The following RARRES1 variants were observed in gnomAD, a reference collection of about 807,000 sequenced individuals.
RARRES1 encodes the protein retinoic acid receptor responder protein 1.
RARRES1 carries 34 observed loss-of-function variants against 30.6 expected under a neutral mutation model. The observed-to-expected ratio is 1.11, with a 90% CI of 0.84 to 1.48. The LOEUF (loss-of-function observed/expected upper bound fraction) is 1.48. Ranked by LOEUF, RARRES1 falls within the 40% of genes most tolerant of loss-of-function variation. The pLI, the probability that RARRES1 is intolerant of heterozygous loss-of-function variation, is 0.00. For missense variants in RARRES1, 373 were observed against 386.5 expected, an observed-to-expected ratio of 0.97 and a Z score of 0.29; for synonymous variants, 153 against 155.5, an observed-to-expected ratio of 0.98 and a Z score of 0.12.
At chr3:158,732,066 G>T in intron 1 of RARRES1, 74 bp downstream of exon 1, 2 of 1,237,056 alleles carry the variant, frequency 1.6e-6, no homozygotes, top group Non-Finnish European at 1.0e-6. Flanking sequence ...GCAGGCGCGC[G>T]TACCCAGGTG....
In RARRES1 at chr3:158,704,938, C is replaced by T; in HGVS notation, c.536-11G>A. The T allele has an allele frequency of 6.3e-7, 1 of 1,592,710 alleles. No homozygotes were observed. The highest frequency in any genetic ancestry group is 8.5e-7 in the Non-Finnish European group (1 of 1,174,172). ...TATGTCCATGATTATCTGAGAGAGACAAAAAAAGCACATTTGTATTAATGC... is the reference window on the plus strand; with the variant it reads ...TATGTCCATGATTATCTGAGAGAGATAAAAAAAGCACATTTGTATTAATGC... On this transcript the variant is annotated splice_polypyrimidine_tract_variant and intron_variant, in intron 3 of 5. Coordinates refer to ENST00000237696, the MANE Select transcript of RARRES1 (RefSeq NM_206963.2).
chr3:158,698,514 C>T (rs1726624639), intron 4 of RARRES1, among the ~76,000 whole-genome samples: 1 of 152,218 alleles, frequency 6.6e-6, no homozygotes, highest in South Asian at 2.1e-4. Flanking sequence ...CCAACACCCA[C>T]ATTCTTCATA....
chr3:158,717,653 G>C (rs1402728803), intron 1 of RARRES1, among the ~76,000 whole-genome samples: 1 of 152,198 alleles, frequency 6.6e-6, no homozygotes, highest in African/African-American at 2.4e-5. Flanking sequence ...GAGGGATTTT[G>C]AAAAGATCCC....
At chr3:158,700,398 A>G (rs888080500) in intron 4 of RARRES1, among the ~76,000 whole-genome samples, 1 of 152,126 alleles carries the variant, frequency 6.6e-6, no homozygotes, top group Non-Finnish European at 1.5e-5. Flanking sequence ...CATTTGACAG[A>G]CTATTTTGGT....
intron 1 of RARRES1, among the ~76,000 whole-genome samples, chr3:158,726,010 C>A (rs1160922193): frequency 2.0e-5 from 3 of 152,188 alleles, no homozygotes; most frequent in African/African-American, 7.2e-5. Context: ...TTGCAAATAT[C>A]CCCCTCCCTG....
chr3:158,707,344 G>A (rs1352793537), intron 3 of RARRES1, among the ~76,000 whole-genome samples: 1 of 151,964 alleles, frequency 6.6e-6, no homozygotes, highest in Non-Finnish European at 1.5e-5. Context: ...GACAGAATAA[G>A]GAAAAAGAGG....
chr3:158,728,687 C>G (rs1031894437), intron 1 of RARRES1, among the ~76,000 whole-genome samples: 3 of 151,948 alleles, frequency 2.0e-5, no homozygotes, highest in African/African-American at 7.3e-5. Flanking sequence ...CCATGCCTGG[C>G]TAATTTTTGT....
At chr3:158,722,119 G>A (rs1437705191) in intron 1 of RARRES1, among the ~76,000 whole-genome samples, 4 of 144,976 alleles carry the variant, frequency 2.8e-5, no homozygotes, top group Non-Finnish European at 4.5e-5. Context: ...GTATCCAGAA[G>A]GAACACGAAG....
chr3:158,704,038 A>G (rs1726823294), intron 4 of RARRES1, among the ~76,000 whole-genome samples: 1 of 151,970 alleles, frequency 6.6e-6, no homozygotes, highest in Admixed American at 6.6e-5. Context: ...GTGTCCTTCT[A>G]GTTAATCATA....
At position 158,732,181 on chromosome 3, in the gene RARRES1, C is replaced by T. The variant is rs1286494740; in HGVS notation, c.235G>A (p.Ala79Thr). The T allele has an allele frequency of 7.1e-7, 1 of 1,416,654 alleles. No individual in the cohort carries two copies. Among genetic ancestry groups the T allele is most frequent in the Non-Finnish European group, 9.2e-7 (1 of 1,091,608 alleles). 87.8% of individuals were successfully genotyped at this position (1,416,654 alleles called of 1,614,324 possible). Residue 79 changes from alanine (A) to threonine (T), a missense_variant, in exon 1 of 6, where the codon GCG becomes ACG. Ala to Thr is a moderately conservative substitution (Grantham distance 58, BLOSUM62 0). Coordinates refer to ENST00000237696, the MANE Select transcript of RARRES1 (RefSeq NM_206963.2). The stretch of plus-strand genomic sequence containing the variant: ...TGCACCTCGGCCAGCACTCGTAGCG[C>T]GCTGGGCGAGCCGGACCGGAAGTTG... Reference protein sequence around the residue: ...FFNFRSGSPSALRVLAEVQEG... With the variant: ...FFNFRSGSPSTLRVLAEVQEG...
At chr3:158,730,769 A>T (rs1044691451) in intron 1 of RARRES1, among the ~76,000 whole-genome samples, 8 of 138,280 alleles carry the variant, frequency 5.8e-5, no homozygotes, top group African/African-American at 1.9e-4. Flanking sequence ...CTTTTTCTTT[A>T]TTATTTTATT....
chr3:158,732,216 AGCGCCGCGC>A lies in RARRES1; in HGVS notation c.191_199del (p.Arg64_Ala66del). 7.1e-7 allele frequency: 1 copy of A among 1,411,812 alleles called. No homozygotes were observed. The allele number at this position is 1,411,812 out of a possible 1,614,324, so 87.5% of individuals were successfully genotyped here. A position where few individuals can be genotyped will look rare whatever the true frequency, so the allele number is the denominator to read the frequency against. ...GCCGGACCGGAAGTTGAAGAAGTGAAGCGCCGCGCGCGCCGCCTGCTGCAGGAGCCTGCG... is the reference window on the plus strand; with the variant it reads ...GCCGGACCGGAAGTTGAAGAAGTGAAGCGCCGCCTGCTGCAGGAGCCTGCG... On this transcript the variant is annotated inframe_deletion, in exon 1 of 6. Coordinates refer to ENST00000237696, the MANE Select transcript of RARRES1 (RefSeq NM_206963.2).
Position 158,732,164 on chromosome 3 carries a change from G to C in RARRES1, c.252C>G (p.Ala84=). The C allele has an allele frequency of 1.4e-6, 2 of 1,409,470 alleles. No individual in the cohort carries two copies. Among genetic ancestry groups the C allele is most frequent in the Non-Finnish European group, 1.8e-6 (2 of 1,089,166 alleles). 87.3% of individuals were successfully genotyped at this position (1,409,470 alleles called of 1,614,324 possible). The change falls in exon 1 of 6, where the codon GCC becomes GCG. Residue 84 remains alanine (A), a synonymous_variant. Transcript: ENST00000237696. ...CCCACGCGCGGCCCTCCTGCACCTCGGCCAGCACTCGTAGCGCGCTGGGCG... is the reference window on the plus strand; with the variant it reads ...CCCACGCGCGGCCCTCCTGCACCTCCGCCAGCACTCGTAGCGCGCTGGGCG... The part of the protein sequence containing the change: ...SGSPSALRVL[A]EVQEGRAWIN...
At chr3:158,725,982 A>G (rs1727671842) in intron 1 of RARRES1, among the ~76,000 whole-genome samples, 1 of 152,228 alleles carries the variant, frequency 6.6e-6, no homozygotes, top group South Asian at 2.1e-4. Context: ...GAGGGCACTG[A>G]AGAGATCCTA....
chr3:158,704,629 C>T, intron 4 of RARRES1, 162 bp downstream of exon 4: 5 of 1,145,666 alleles, frequency 4.4e-6, no homozygotes, highest in South Asian at 2.0e-5. Flanking sequence ...TATCCCCAGC[C>T]CCTGAAACAA....
At chr3:158,717,996 T>TTTG (rs34765824) in intron 1 of RARRES1, among the ~76,000 whole-genome samples, 8 of 151,654 alleles carry the variant, frequency 5.3e-5, no homozygotes, top group African/African-American at 1.9e-4. Context: ...TTTTTTTTTT[T>TTTG]GAGACAGAGT....
intron 1 of RARRES1, among the ~76,000 whole-genome samples, chr3:158,714,150 G>A (rs1371492668): frequency 6.6e-6 from 1 of 152,176 alleles, no homozygotes; most frequent in East Asian, 1.9e-4. Flanking sequence ...ACAGGAGTGT[G>A]CAGGGAGCTG....
chr3:158,711,269 G>T (rs894418310), intron 2 of RARRES1, among the ~76,000 whole-genome samples: 7 of 152,092 alleles, frequency 4.6e-5, no homozygotes, highest in African/African-American at 1.7e-4. Flanking sequence ...ATAATACTTA[G>T]GTGGACCTCA....
intron 4 of RARRES1, among the ~76,000 whole-genome samples, chr3:158,702,753 A>C (rs570768982): frequency 3.3e-5 from 5 of 152,322 alleles, no homozygotes; most frequent in African/African-American, 1.2e-4. Context: ...AGAAACAGGT[A>C]GAAACTTACC....
Sources: gnomAD v4.1 joint callset for allele counts (sites outside exome capture counted in the v4.1 genomes callset) on GRCh38, gnomAD v4.1.1 for gene constraint, MANE v1.5 for transcripts, NCBI Gene and HGNC (gene_info 2026-07-23, HGNC 2026-07-21) for gene names.